Variants in ADGRB3 observed in about 807,000 individuals in gnomAD.
The protein encoded by ADGRB3 is brain-specific angiogenesis inhibitor 3.
A neutral mutation model predicts 193.4 loss-of-function variants in ADGRB3; 37 were observed. The ratio of observed to expected loss-of-function variants is 0.19; its 90% CI spans 0.15 to 0.25. The LOEUF is 0.25. Among genes scored for constraint, ADGRB3 ranks in the 10% least tolerant of loss-of-function variants. ADGRB3 has a pLI of 1.00. For missense variants in ADGRB3, 1,637 were observed against 1,852.9 expected (o/e 0.88, Z 2.14); for synonymous variants, 690 against 644.2 (o/e 1.07, Z -1.08).
chr6:69,043,278 A>AGAAAGAG (rs1219845866), intron 13 of ADGRB3, among the ~76,000 whole-genome samples: 3 of 130,888 alleles, frequency 2.3e-5, no homozygotes, highest in African/African-American at 8.5e-5. Context: ...AAGAAAAGGA[A>AGAAAGAG]AGGAAGAAAG....
intron 8 of ADGRB3, 134 bp downstream of exon 8, chr6:68,956,943 G>C (rs1447544202): frequency 1.0e-6 from 1 of 984,098 alleles, no homozygotes; most frequent in African/African-American, 1.6e-5. Flanking sequence ...CAATTTACTT[G>C]TTTCTGTACT....
intron 3 of ADGRB3, among the ~76,000 whole-genome samples, chr6:68,676,330 G>T (rs951232751): frequency 6.8e-6 from 1 of 147,778 alleles, no homozygotes; most frequent in African/African-American, 2.5e-5. Context: ...GTGGGAGGTT[G>T]CAGTGAGCCC....
intron 20 of ADGRB3, among the ~76,000 whole-genome samples, chr6:69,313,073 C>T (rs1160898889): frequency 6.6e-6 from 1 of 151,806 alleles, no homozygotes; most frequent in African/African-American, 2.4e-5. Flanking sequence ...CACAAGGTCA[C>T]ACATTTGGTA....
chr6:69,371,708 C>T (rs768543172), intron 29 of ADGRB3, among the ~76,000 whole-genome samples: 1 of 151,984 alleles, frequency 6.6e-6, no homozygotes, highest in Non-Finnish European at 1.5e-5. Flanking sequence ...TGCATTTTAT[C>T]TGTAACTAGA....
intron 3 of ADGRB3, among the ~76,000 whole-genome samples, chr6:68,907,772 T>C (rs1766588644): frequency 6.6e-6 from 1 of 151,984 alleles, no homozygotes; most frequent in South Asian, 2.1e-4. Context: ...TATTTTGCCT[T>C]ATGGTTATTT....
chr6:69,259,988 A>G (rs371077135), intron 20 of ADGRB3, among the ~76,000 whole-genome samples: 3 of 152,316 alleles, frequency 2.0e-5, no homozygotes, highest in East Asian at 3.9e-4. Context: ...ACACAAATTC[A>G]TGTAATCAAA....
intron 5 of ADGRB3, among the ~76,000 whole-genome samples, chr6:68,941,552 A>C (rs979892650): frequency 1.3e-5 from 2 of 152,100 alleles, no homozygotes; most frequent in Non-Finnish European, 2.9e-5. Flanking sequence ...GGGATTGTGC[A>C]ATATAGAACA....
chr6:69,306,463 A>G (rs528751432), intron 20 of ADGRB3, among the ~76,000 whole-genome samples: 3 of 151,524 alleles, frequency 2.0e-5, no homozygotes, highest in Non-Finnish European at 4.4e-5. Flanking sequence ...TAACCTATGT[A>G]CTAGGCACAA....
intron 13 of ADGRB3, among the ~76,000 whole-genome samples, chr6:69,037,974 G>C (rs1285013573): frequency 6.6e-6 from 1 of 152,148 alleles, no homozygotes; most frequent in African/African-American, 2.4e-5. Flanking sequence ...TACTATGCCA[G>C]TCCATGAGGA....
intron 12 of ADGRB3, among the ~76,000 whole-genome samples, chr6:69,016,878 T>G (rs1770108217): frequency 6.6e-6 from 1 of 151,854 alleles, no homozygotes; most frequent in African/African-American, 2.4e-5. Context: ...AAAATAAGCC[T>G]CTTATTTTAC....
chr6:68,829,487 T>C (rs16900236), intron 3 of ADGRB3, among the ~76,000 whole-genome samples: 4,628 of 152,184 alleles, frequency 0.03, 207 homozygotes, highest in African/African-American at 0.1. Context: ...CTAACAGTTT[T>C]TAGCATCAAA....
intron 3 of ADGRB3, among the ~76,000 whole-genome samples, chr6:68,824,839 G>GTAAATCTA (rs1211344634): frequency 1.3e-5 from 2 of 151,606 alleles, no homozygotes; most frequent in Admixed American, 1.3e-4. Context: ...TGTGCATCCA[G>GTAAATCTA]TAAATCTATA....
At chr6:68,806,698 A>G in intron 3 of ADGRB3, among the ~76,000 whole-genome samples, 1 of 151,926 alleles carries the variant, frequency 6.6e-6, no homozygotes, top group South Asian at 2.1e-4. Context: ...AAGAATATGT[A>G]TTTTACAATG....
At chr6:69,264,689 C>G (rs2127275588) in intron 20 of ADGRB3, among the ~76,000 whole-genome samples, 1 of 151,936 alleles carries the variant, frequency 6.6e-6, no homozygotes, top group South Asian at 2.1e-4. Flanking sequence ...CTCCACACCC[C>G]CACCAACTTA....
rs529006663 is a variant in ADGRB3, at chr6:69,181,106, C to T, written c.2481-52184C>T. Among the ~76,000 whole-genome samples, 25 of 152,280 alleles carry T rather than the reference C, an allele frequency of 1.6e-4. 2 individuals are homozygous for T. In the South Asian group the frequency reaches 4.8e-3, roughly 29 times the overall value. On this transcript the variant is annotated intron_variant, in intron 17 of 31. Transcript: ENST00000370598. ...GTCTCACATACTGGGGCTTCACTCA[C>T]TTTTATCAACTGGACGCCATCACAG...
chr6:68,912,930 G>A (rs1351744521), intron 3 of ADGRB3, among the ~76,000 whole-genome samples: 6 of 152,126 alleles, frequency 3.9e-5, no homozygotes, highest in Non-Finnish European at 7.4e-5. Context: ...GGCTCGGAGG[G>A]TCCTACGCCC....
At chr6:69,109,135 G>T (rs934924062) in intron 17 of ADGRB3, among the ~76,000 whole-genome samples, 1 of 152,080 alleles carries the variant, frequency 6.6e-6, no homozygotes. Context: ...TGGCCTATAA[G>T]ATTCTTGGAT....
intron 13 of ADGRB3, among the ~76,000 whole-genome samples, chr6:69,045,632 T>C (rs1028472186): frequency 6.6e-6 from 1 of 152,142 alleles, no homozygotes; most frequent in African/African-American, 2.4e-5. Flanking sequence ...AATTATACAC[T>C]ATTTTGATTT....
At chr6:69,284,929 C>T (rs182138870) in intron 20 of ADGRB3, among the ~76,000 whole-genome samples, 4 of 151,948 alleles carry the variant, frequency 2.6e-5, no homozygotes, top group Admixed American at 1.3e-4. Flanking sequence ...TTGGATTTAA[C>T]ACATAAAATT....
Sources: gnomAD v4.1 joint callset for allele counts (sites outside exome capture counted in the v4.1 genomes callset) on GRCh38, gnomAD v4.1.1 for gene constraint, MANE v1.5 for transcripts, NCBI Gene and HGNC (gene_info 2026-07-23, HGNC 2026-07-21) for gene names.